Variants in CADPS observed in about 807,000 individuals in gnomAD.
The protein encoded by CADPS is calcium dependent secretion activator.
In CADPS, 57 loss-of-function variants were observed where a neutral mutation model predicts 167.3. That is an observed-to-expected ratio of 0.34 (90% CI 0.28 to 0.42). CADPS has a LOEUF of 0.42. Ranked by LOEUF, CADPS falls within the 20% of genes least tolerant of loss-of-function variation. The pLI, the probability that CADPS is intolerant of heterozygous loss-of-function variation, is 1.00. For missense variants in CADPS, 1,414 were observed against 1,738.1 expected, an observed-to-expected ratio of 0.81 and a Z score of 3.32; for synonymous variants, 676 against 635.3, an observed-to-expected ratio of 1.06 and a Z score of -0.96.
At chr3:62,504,770 G>C (rs968404177) in intron 17 of CADPS, among the ~76,000 whole-genome samples, 1 of 152,100 alleles carries the variant, frequency 6.6e-6, no homozygotes, top group African/African-American at 2.4e-5. Context: ...TTGGCTTCCA[G>C]AGAGAGAGTT....
chr3:62,538,805 CTT>C (rs1483059937), intron 11 of CADPS, among the ~76,000 whole-genome samples: 2 of 152,134 alleles, frequency 1.3e-5, no homozygotes, highest in African/African-American at 4.8e-5. Flanking sequence ...CTCTTGAAAA[CTT>C]TGCTGATGAC....
intron 1 of CADPS, among the ~76,000 whole-genome samples, chr3:62,780,805 T>C (rs968399052): frequency 1.9e-4 from 29 of 152,320 alleles, no homozygotes; most frequent in Admixed American, 3.9e-4. Flanking sequence ...AGCTTTTCCA[T>C]CTTGCTAGTT....
At chr3:62,527,533 T>A (rs2072604889) in intron 13 of CADPS, among the ~76,000 whole-genome samples, 1 of 152,052 alleles carries the variant, frequency 6.6e-6, no homozygotes. Context: ...CATCCCAGTG[T>A]TTGAAATTAT....
intron 6 of CADPS, among the ~76,000 whole-genome samples, chr3:62,593,830 A>T (rs536613150): frequency 5.6e-4 from 85 of 152,354 alleles, no homozygotes; most frequent in African/African-American, 1.9e-3. Flanking sequence ...GCATCTTAGC[A>T]ATCACTGGAT....
At chr3:62,625,959 T>G (rs1462709166) in intron 6 of CADPS, 1 of 151,144 alleles carries the variant, frequency 6.6e-6, no homozygotes, top group Admixed American at 6.5e-5. Flanking sequence ...TTTTTAATCA[T>G]TCGCATCTAT....
intron 28 of CADPS, among the ~76,000 whole-genome samples, chr3:62,419,320 G>A (rs903497707): frequency 3.3e-5 from 5 of 151,976 alleles, no homozygotes; most frequent in African/African-American, 1.2e-4. Context: ...TTTTTCCTAG[G>A]GCCTATTTTT....
At chr3:62,791,362 C>T (rs1412410677) in intron 1 of CADPS, among the ~76,000 whole-genome samples, 1 of 152,154 alleles carries the variant, frequency 6.6e-6, no homozygotes. Context: ...TGGCTAGTGA[C>T]TACCATATTG....
rs34963178 is a variant in CADPS at position 62,477,314 on chromosome 3, GTT to G, written c.3329+945_3329+946del. Among the ~76,000 whole-genome samples the G allele has an allele frequency of 4.4e-3, 607 of 139,106 alleles. 5 individuals carry two copies. The highest frequency in any genetic ancestry group is 0.018 in the Middle Eastern group (5 of 280). 91.3% of individuals were successfully genotyped at this position (139,106 alleles called of 152,430 possible). ...GTAGCCTGTGCTGCTTGCAATCTGGGTTTTTTTTTTTTTTTGAATGAGGAAAA... is the reference window on the plus strand; with the variant it reads ...GTAGCCTGTGCTGCTTGCAATCTGGGTTTTTTTTTTTTTGAATGAGGAAAA... On this transcript the variant is annotated intron_variant, in intron 23 of 29. Coordinates refer to ENST00000383710, the MANE Select transcript of CADPS (RefSeq NM_003716.4).
intron 26 of CADPS, among the ~76,000 whole-genome samples, chr3:62,448,710 T>C (rs1435251696): frequency 6.6e-6 from 1 of 151,784 alleles, no homozygotes; most frequent in Non-Finnish European, 1.5e-5. Flanking sequence ...GCCTCCCGAG[T>C]TGAAGCAATT....
Position 62,433,041 on chromosome 3 carries a change from T to C in CADPS, c.3777+5063A>G, listed in dbSNP as rs183430709. Among the ~76,000 whole-genome samples, 12 of 152,316 alleles carry C rather than the reference T, an allele frequency of 7.9e-5. No individual in the cohort carries two copies. The highest frequency in any genetic ancestry group is 2.6e-4 in the Admixed American group (4 of 15,284). On this transcript the variant is annotated intron_variant, in intron 28 of 29. Coordinates refer to ENST00000383710, the MANE Select transcript of CADPS (RefSeq NM_003716.4). The surrounding 1 kb of genome is among the most constrained non-coding windows in gnomAD (Gnocchi z 4.7). Reference sequence around the variant, plus strand: ...TCCCTTACCTGGACAGCTGGTGATATACCTTACAGATATAGCGTCATGTCC... The same window carrying C: ...TCCCTTACCTGGACAGCTGGTGATACACCTTACAGATATAGCGTCATGTCC...
chr3:62,565,067 G>C (rs1353017655), intron 9 of CADPS, among the ~76,000 whole-genome samples: 2 of 152,160 alleles, frequency 1.3e-5, no homozygotes, highest in Admixed American at 6.5e-5. Flanking sequence ...AGTGCTCTAT[G>C]GAATTGGCAC....
chr3:62,468,725 T>C (rs778359148), intron 24 of CADPS, among the ~76,000 whole-genome samples: 62 of 152,196 alleles, frequency 4.1e-4, no homozygotes, highest in Non-Finnish European at 5.9e-4. Context: ...TTTCACTCCA[T>C]ACAAATATGA....
intron 9 of CADPS, among the ~76,000 whole-genome samples, chr3:62,561,308 A>T (rs1454950644): frequency 6.6e-6 from 1 of 152,094 alleles, no homozygotes; most frequent in Non-Finnish European, 1.5e-5. Flanking sequence ...GCTGAAGTGC[A>T]GTGACACAAA....
chr3:62,668,099 G>A (rs762668314), intron 3 of CADPS, among the ~76,000 whole-genome samples: 5 of 152,154 alleles, frequency 3.3e-5, no homozygotes, highest in African/African-American at 7.2e-5. Flanking sequence ...CATCAGTGTC[G>A]CTGCCAAGAG....
At chr3:62,776,611 G>A (rs149595314) in intron 1 of CADPS, among the ~76,000 whole-genome samples, 3,473 of 152,186 alleles carry the variant, frequency 0.023, 62 homozygotes, top group South Asian at 0.062. Flanking sequence ...TGGAGATTGC[G>A]CCACTGCACT....
intron 3 of CADPS, among the ~76,000 whole-genome samples, chr3:62,671,780 T>C (rs1342839259): frequency 6.6e-6 from 1 of 152,024 alleles, no homozygotes; most frequent in East Asian, 1.9e-4. Flanking sequence ...GTTTGTTTTT[T>C]GAGACAGAGT....
chr3:62,865,385 TAAAAAAAAA>T (rs35780515), intron 1 of CADPS, among the ~76,000 whole-genome samples: 2 of 110,150 alleles, frequency 1.8e-5, no homozygotes, highest in Admixed American at 9.6e-5. Flanking sequence ...ACTTAAGGAT[TAAAAAAAAA>T]AAAAAAAAAA....
chr3:62,525,753 G>A (rs1485084268), intron 13 of CADPS, among the ~76,000 whole-genome samples: 1 of 151,884 alleles, frequency 6.6e-6, no homozygotes, highest in Non-Finnish European at 1.5e-5. Flanking sequence ...GAGAAAGAGA[G>A]AGGACGGAGT....
chr3:62,720,642 G>A (rs143896130), intron 3 of CADPS, among the ~76,000 whole-genome samples: 4 of 151,660 alleles, frequency 2.6e-5, no homozygotes, highest in East Asian at 4.0e-4. Flanking sequence ...CCTGGCCCTA[G>A]GGAAAAACAT....
Sources: gnomAD v4.1 joint callset for allele counts (sites outside exome capture counted in the v4.1 genomes callset) on GRCh38, gnomAD v4.1.1 for gene constraint, Gnocchi (gnomAD v3.1) non-coding constraint, MANE v1.5 for transcripts, NCBI Gene and HGNC (gene_info 2026-07-23, HGNC 2026-07-21) for gene names.